BMP7: variants seen among roughly 807,000 people sequenced by gnomAD.
BMP7 encodes bone morphogenetic protein 7.
Under a neutral mutation model 41.2 loss-of-function variants are expected in BMP7, and 12 were observed. The ratio of observed to expected loss-of-function variants is 0.29; its 90% confidence interval spans 0.19 to 0.47. The LOEUF is 0.47. Among genes scored for constraint, BMP7 ranks in the 20% least tolerant of loss-of-function variants. BMP7 has a pLI of 0.99. For synonymous variants in BMP7, 248 were observed against 250.0 expected, an observed-to-expected ratio of 0.99 and a Z score of 0.07; for missense variants, 467 against 606.0, an observed-to-expected ratio of 0.77 and a Z score of 2.41.
rs551662846 is a variant in BMP7, at chr20:57,174,768, G to A, written c.1035+163C>T. 6.6e-6 allele frequency among the ~76,000 whole-genome samples: 1 copy of A among 152,336 alleles called. No homozygotes were observed. Among genetic ancestry groups the A allele is most frequent in the South Asian group, 2.1e-4 (1 of 4,832 alleles). ...CATTTCTGCTCTCGGATTTCATGAG[G>A]CCTCCCTGTATCCTTAGCCCAAGTC... is the stretch of plus-strand genomic sequence containing the variant. On this transcript the variant is annotated intron_variant, in intron 5 of 6. Coordinates refer to ENST00000395863, the MANE Select transcript of BMP7 (RefSeq NM_001719.3). The surrounding 1 kb of genome is among the most constrained non-coding windows in gnomAD (Gnocchi z 4.3).
In BMP7 at chr20:57,214,613, A is replaced by C. The variant is rs940539487; in HGVS notation, c.612-11990T>G. ...CACACATGCTGTTTCCGCTGCCTGC[A>C]ACACTGTTCCCTGCCTTTTCACCTC... On this transcript the variant is annotated intron_variant, in intron 2 of 6. Coordinates refer to ENST00000395863, the MANE Select transcript of BMP7 (RefSeq NM_001719.3). This position sits in a 1 kb window ranked among gnomAD's most constrained non-coding sequence, Gnocchi z 4.0. Among the ~76,000 whole-genome samples the C allele has an allele frequency of 6.6e-6, 1 of 152,016 alleles. No homozygotes were observed. Among genetic ancestry groups the C allele is most frequent in the Non-Finnish European group, 1.5e-5 (1 of 67,998 alleles).
intron 2 of BMP7, among the ~76,000 whole-genome samples, chr20:57,220,696 C>A (rs1455227651): frequency 6.6e-6 from 1 of 152,210 alleles, no homozygotes; most frequent in Non-Finnish European, 1.5e-5. Flanking sequence ...CACCCACTGG[C>A]ACACAGCTGT....
At chr20:57,219,317 G>A (rs1234693599) in intron 2 of BMP7, among the ~76,000 whole-genome samples, 1 of 125,830 alleles carries the variant, frequency 7.9e-6, no homozygotes, top group Non-Finnish European at 1.5e-5. Context: ...TGGGAAGGTG[G>A]GAAGAAGACA....
chr20:57,230,771 G>A (rs1390688756), intron 1 of BMP7, among the ~76,000 whole-genome samples: 1 of 151,148 alleles, frequency 6.6e-6, no homozygotes, highest in Non-Finnish European at 1.5e-5. Flanking sequence ...CCGCCTCCCA[G>A]GCCCACACCA....
At chr20:57,179,333 C>G (rs1984016157) in intron 4 of BMP7, among the ~76,000 whole-genome samples, 1 of 152,258 alleles carries the variant, frequency 6.6e-6, no homozygotes, top group Non-Finnish European at 1.5e-5. Flanking sequence ...CGGGATTCAT[C>G]CACCTCCTCA....
At position 57,215,272 on chromosome 20, in the gene BMP7, G is replaced by A. The variant is rs1984985169; in HGVS notation, c.612-12649C>T. Among the ~76,000 whole-genome samples the A allele has an allele frequency of 6.6e-6, 1 of 152,174 alleles. No individual in the cohort carries two copies. The highest frequency in any genetic ancestry group is 1.5e-5 in the Non-Finnish European group (1 of 68,036). ...TCACTGGAAACTGCCAGGCTGCATG[G>A]GCTTCCGGTTGAGTGCCCCCATTTA... On this transcript the variant is annotated intron_variant, in intron 2 of 6. Transcript: ENST00000395863. The surrounding 1 kb of genome is among the most constrained non-coding windows in gnomAD (Gnocchi z 4.2).
intron 2 of BMP7, among the ~76,000 whole-genome samples, chr20:57,217,315 G>A (rs1343771724): frequency 6.6e-6 from 1 of 152,238 alleles, no homozygotes; most frequent in Admixed American, 6.5e-5. Flanking sequence ...TCTTTAAAGC[G>A]CCCCTAACTA....
At chr20:57,262,125 G>A (rs539473919) in intron 1 of BMP7, among the ~76,000 whole-genome samples, 15 of 152,252 alleles carry the variant, frequency 9.9e-5, no homozygotes, top group South Asian at 2.1e-4. Flanking sequence ...AGTGCCAGCC[G>A]GCTACTTTAC....
At chr20:57,206,575 G>A (rs553948993) in intron 2 of BMP7, among the ~76,000 whole-genome samples, 9 of 152,328 alleles carry the variant, frequency 5.9e-5, no homozygotes, top group African/African-American at 1.9e-4. Context: ...ACAGCGTTGT[G>A]TGGGGCAGAG....
intron 4 of BMP7, among the ~76,000 whole-genome samples, chr20:57,179,854 C>G (rs1422610777): frequency 1.3e-5 from 2 of 152,176 alleles, no homozygotes; most frequent in Non-Finnish European, 2.9e-5. Context: ...GGCAGGTTCC[C>G]AGCAATGAAT....
intron 1 of BMP7, among the ~76,000 whole-genome samples, chr20:57,245,172 T>C (rs1000131296): frequency 1.3e-5 from 2 of 152,168 alleles, no homozygotes; most frequent in African/African-American, 4.8e-5. Context: ...TGGTGGGAAC[T>C]GGAAATCTTG....
chr20:57,211,126 G>A (rs572981389), intron 2 of BMP7, among the ~76,000 whole-genome samples: 119 of 152,292 alleles, frequency 7.8e-4, no homozygotes, highest in Admixed American at 2.1e-3. Flanking sequence ...CTGACACCTC[G>A]TACTGGGCAC....
intron 2 of BMP7, among the ~76,000 whole-genome samples, chr20:57,217,551 G>C (rs1985062123): frequency 6.6e-6 from 1 of 152,176 alleles, no homozygotes; most frequent in South Asian, 2.1e-4. Context: ...AGAGTGTAGG[G>C]ATTCAGGTTG....
intron 1 of BMP7, among the ~76,000 whole-genome samples, chr20:57,241,382 T>C (rs1435112388): frequency 6.6e-6 from 1 of 152,192 alleles, no homozygotes; most frequent in Non-Finnish European, 1.5e-5. Flanking sequence ...CTAATGCCAG[T>C]CCTTGAGGGA....
rs1983882577 is a variant in BMP7 at position 57,174,678 on chromosome 20, A to G, written c.1035+253T>C. Among the ~76,000 whole-genome samples the G allele has an allele frequency of 6.6e-6, 1 of 152,228 alleles. No homozygotes were observed. The highest frequency in any genetic ancestry group is 6.5e-5 in the Admixed American group (1 of 15,282). ...CAGCCAAGGGATGGGAATGAGGTGC[A>G]TGCAGAGAATGGGGTTCAGAGTCCA... On this transcript the variant is annotated intron_variant, in intron 5 of 6. Coordinates refer to ENST00000395863, the MANE Select transcript of BMP7 (RefSeq NM_001719.3). This position sits in a 1 kb window ranked among gnomAD's most constrained non-coding sequence, Gnocchi z 4.3.
intron 1 of BMP7, among the ~76,000 whole-genome samples, chr20:57,258,416 T>A (rs2066142119): frequency 6.6e-6 from 1 of 152,204 alleles, no homozygotes; most frequent in South Asian, 2.1e-4. Context: ...AGTTGTGCAG[T>A]TCTGTTAATG....
intron 1 of BMP7, among the ~76,000 whole-genome samples, chr20:57,237,076 C>T (rs866778944): frequency 1.3e-5 from 2 of 152,330 alleles, no homozygotes; most frequent in Admixed American, 6.5e-5. Context: ...GGGATGCTTT[C>T]CAGGCAAAAA....
chr20:57,257,429 C>A (rs569981557), intron 1 of BMP7, among the ~76,000 whole-genome samples: 1 of 152,112 alleles, frequency 6.6e-6, no homozygotes, highest in East Asian at 1.9e-4. Flanking sequence ...ATTGTGTTAA[C>A]AATTAAAATT....
At position 57,171,593 on chromosome 20, in the gene BMP7, G is replaced by A. The variant is rs558969982; in HGVS notation, c.1147-485C>T. On this transcript the variant is annotated intron_variant, in intron 6 of 6. Transcript: ENST00000395863. This position sits in a 1 kb window ranked among gnomAD's most constrained non-coding sequence, Gnocchi z 4.5. ...AGGTAAGACAATAGGGAATAGTGGG[G>A]ACTAAGGCAAACTAAGGGAAGAGGC... Among the ~76,000 whole-genome samples, 2 of 152,318 alleles carry A rather than the reference G, an allele frequency of 1.3e-5. No individual in the cohort carries two copies. The highest frequency in any genetic ancestry group is 6.5e-5 in the Admixed American group (1 of 15,304).
Sources: gnomAD v4.1 joint callset for allele counts (sites outside exome capture counted in the v4.1 genomes callset) on GRCh38, gnomAD v4.1.1 for gene constraint, Gnocchi (gnomAD v3.1) non-coding constraint, MANE v1.5 for transcripts, NCBI Gene and HGNC (gene_info 2026-07-23, HGNC 2026-07-21) for gene names.